The following TNFAIP6 variants were observed in gnomAD, a reference collection of about 807,000 sequenced individuals.
The protein encoded by TNFAIP6 is tumor necrosis factor-inducible gene 6 protein.
In TNFAIP6, 36 loss-of-function variants were observed where a neutral mutation model predicts 33.7. The observed-to-expected ratio is 1.07, with a 90% CI of 0.82 to 1.41. The LOEUF (loss-of-function observed/expected upper bound fraction) is 1.41, where lower values mean the gene tolerates loss of function less well. TNFAIP6 is among the 40% of genes most tolerant of loss of function. TNFAIP6 has a pLI of 0.00. For synonymous variants in TNFAIP6, 113 were observed against 112.8 expected (o/e 1.00, Z -0.01); for missense variants, 273 against 331.9 (o/e 0.82, Z 1.38).
rs1321415465 is a variant in TNFAIP6, at chr2:151,364,015, C to T, written c.167C>T (p.Ala56Val). The change falls in exon 2 of 6, where the codon GCG (alanine) becomes GTG (valine). Residue 56 changes from alanine (A) to valine (V), a missense_variant. Transcript: ENST00000243347. The stretch of plus-strand genomic sequence containing the variant: ...AAGCTCACCTACGCAGAAGCTAAGG[C>T]GGTGTGTGAATTTGAAGGCGGCCAT... ...KYKLTYAEAK[A>V]VCEFEGGHLA... 3 of 1,614,004 alleles carry T rather than the reference C, an allele frequency of 1.9e-6. No homozygotes were observed. Among genetic ancestry groups the T allele is most frequent in the South Asian group, 2.2e-5 (2 of 91,076 alleles).
intron 4 of TNFAIP6, 144 bp downstream of exon 4, chr2:151,370,392 G>T (rs892461811): frequency 1.5e-6 from 1 of 661,494 alleles, no homozygotes; most frequent in South Asian, 2.1e-5. Context: ...TTTCAACAAA[G>T]ATTTTTCTTA....
chr2:151,379,013 T>C (rs1684969632), intron 5 of TNFAIP6, among the ~76,000 whole-genome samples: 1 of 151,930 alleles, frequency 6.6e-6, no homozygotes, highest in African/African-American at 2.4e-5. Flanking sequence ...GGCAGGAGAA[T>C]CGCTTGAGCC....
Position 151,379,545 on chromosome 2 carries a change from AGG to A in TNFAIP6, c.*13_*14del. On this transcript the variant is annotated 3_prime_UTR_variant, in exon 6 of 6. Transcript: ENST00000243347. ...TTAGCCACTTATAAAAAAAAAAAAA[AGG>A]ATGATCAAAACACACAGTGTTTATG... 1.5e-6 allele frequency: 2 copies of A among 1,343,996 alleles called. No individual in the cohort carries two copies. Among genetic ancestry groups the A allele is most frequent in the Non-Finnish European group, 1.0e-6 (1 of 983,830 alleles). The allele number at this position is 1,343,996 out of a possible 1,614,324, so 83.3% of individuals were successfully genotyped here. A position where few individuals can be genotyped will look rare whatever the true frequency, so the allele number is the denominator to read the frequency against.
chr2:151,368,520 C>T (rs928908590), intron 3 of TNFAIP6: 2 of 151,492 alleles, frequency 1.3e-5, no homozygotes, highest in African/African-American at 4.8e-5. Context: ...TCTGAGACAG[C>T]GTTTTTGTTT....
In TNFAIP6 at chr2:151,374,902, G is replaced by A. The variant is rs928684763; in HGVS notation, c.664+1313G>A. Among the ~76,000 whole-genome samples the A allele has an allele frequency of 3.9e-5, 6 of 152,182 alleles. No individual in the cohort carries two copies. In the East Asian group the frequency reaches 7.7e-4, roughly 20 times the overall value. On this transcript the variant is annotated intron_variant, in intron 5 of 5. Transcript: ENST00000243347. ...GCACTTTGGGAGGCCAAGGCAGGCC[G>A]ATCACCTGAGGTCAGGAGTTCGAGA...
Position 151,357,703 on chromosome 2 carries a change from G to T in TNFAIP6, c.37G>T (p.Glu13Ter). 1 of 1,612,886 alleles carries T rather than the reference G, an allele frequency of 6.2e-7. No individual in the cohort carries two copies. Among genetic ancestry groups the T allele is most frequent in the Non-Finnish European group, 8.5e-7 (1 of 1,178,970 alleles). The change falls in exon 1 of 6, where the codon GAA (glutamate) becomes TAA (stop). Residue 13 changes from glutamate (E) to a stop codon, truncating the protein, a stop_gained. Transcript: ENST00000243347. LOFTEE classifies it high-confidence loss of function. ...AATTTACTTATTTCTCTTGCTATGG[G>T]AAGACACTCAAGGATGGGGATTCAA... ...ILIYLFLLLW[E>*]DTQGWGFKDG...
downstream of TNFAIP6, among the ~76,000 whole-genome samples, chr2:151,380,796 C>T (rs1685000458): frequency 6.6e-6 from 1 of 152,208 alleles, no homozygotes; most frequent in Non-Finnish European, 1.5e-5. Flanking sequence ...CAACTAATTT[C>T]GGGTTGGTGG....
intron 5 of TNFAIP6, 69 bp from the exon 6 acceptor site, chr2:151,379,295 G>A (rs1684974208): frequency 7.3e-7 from 1 of 1,375,288 alleles, no homozygotes; most frequent in Non-Finnish European, 9.9e-7. Context: ...AGAATGAAGA[G>A]TCTTTGAATT....
In TNFAIP6 at chr2:151,370,127, A is replaced by G; in HGVS notation, c.502A>G (p.Lys168Glu). ...AATCTGCTACTGGCACATTAGACTC[A>G]AGTATGGTCAGCGTATTCACCTGAG... ...NQICYWHIRLKYGQRIHLSFL... is the reference protein window; with the variant it reads ...NQICYWHIRLEYGQRIHLSFL... The change falls in exon 4 of 6, where the codon AAG becomes GAG. Residue 168 changes from lysine (K) to glutamate (E), a missense_variant. Physicochemically the swap from Lys to Glu is moderately conservative, Grantham distance 56 (BLOSUM62 1). Transcript: ENST00000243347. 1.2e-6 allele frequency: 2 copies of G among 1,614,050 alleles called. No homozygotes were observed. The highest frequency in any genetic ancestry group is 1.7e-6 in the Non-Finnish European group (2 of 1,179,962).
At chr2:151,368,086 A>G (rs1684746221) in intron 3 of TNFAIP6, among the ~76,000 whole-genome samples, 1 of 151,892 alleles carries the variant, frequency 6.6e-6, no homozygotes, top group Admixed American at 6.6e-5. Flanking sequence ...GGATGGAACA[A>G]CTCGCTCCTA....
chr2:151,371,460 CA>C (rs763170467), intron 4 of TNFAIP6, among the ~76,000 whole-genome samples: 2 of 152,174 alleles, frequency 1.3e-5, no homozygotes, highest in Non-Finnish European at 1.5e-5. Context: ...ATGACAAACT[CA>C]ATCCCTTTTT....
At chr2:151,362,480 CTTTTTTTTTTTTTTTTT>C (rs34640251) in intron 1 of TNFAIP6, among the ~76,000 whole-genome samples, 2 of 56,940 alleles carry the variant, frequency 3.5e-5, no homozygotes, top group Admixed American at 1.7e-4. Flanking sequence ...TTACTAAATT[CTTTTTTTTTTTTTTTTT>C]TTTTTTTTTT....
At chr2:151,365,365 G>T (rs139775367) in intron 2 of TNFAIP6, among the ~76,000 whole-genome samples, 1 of 151,962 alleles carries the variant, frequency 6.6e-6, no homozygotes, top group Non-Finnish European at 1.5e-5. Context: ...TAGGCCAGGC[G>T]TGGTGGTTCA....
At chr2:151,377,000 A>G (rs1414256387) in intron 5 of TNFAIP6, among the ~76,000 whole-genome samples, 1 of 149,160 alleles carries the variant, frequency 6.7e-6, no homozygotes, top group East Asian at 2.0e-4. Flanking sequence ...CACAAGGCTA[A>G]TTTTTATTTT....
At chr2:151,375,814 T>C (rs191501406) in intron 5 of TNFAIP6, among the ~76,000 whole-genome samples, 108 of 152,106 alleles carry the variant, frequency 7.1e-4, no homozygotes, top group Admixed American at 1.2e-3. Flanking sequence ...AAAACAAAAA[T>C]AGAAAATAAA....
intron 3 of TNFAIP6, among the ~76,000 whole-genome samples, chr2:151,367,928 C>T (rs907209313): frequency 6.6e-6 from 1 of 151,610 alleles, no homozygotes; most frequent in Admixed American, 6.6e-5. Flanking sequence ...CAAGTTAGAG[C>T]TGATATTCTA....
chr2:151,364,001 C>A lies in TNFAIP6; in HGVS notation c.153C>A (p.Tyr51Ter). The change falls in exon 2 of 6, where the codon TAC becomes TAA. Residue 51 changes from tyrosine (Y) to a stop codon, truncating the protein, a stop_gained. Coordinates refer to ENST00000243347, the MANE Select transcript of TNFAIP6 (RefSeq NM_007115.4). LOFTEE classifies it high-confidence loss of function. ...EARSGKYKLT[Y>*]AEAKAVCEFE... ...GGTCTGGCAAATACAAGCTCACCTA[C>A]GCAGAAGCTAAGGCGGTGTGTGAAT... 1 of 1,613,992 alleles carries A rather than the reference C, an allele frequency of 6.2e-7. No individual in the cohort carries two copies. Among genetic ancestry groups the A allele is most frequent in the Non-Finnish European group, 8.5e-7 (1 of 1,179,944 alleles).
chr2:151,363,463 C>A (rs912346788), intron 1 of TNFAIP6, among the ~76,000 whole-genome samples: 4 of 151,060 alleles, frequency 2.6e-5, no homozygotes, highest in Non-Finnish European at 5.9e-5. Flanking sequence ...CAAGACCATC[C>A]TGGCTAACAC....
At chr2:151,357,830 A>G in intron 1 of TNFAIP6, 70 bp downstream of exon 1, 1 of 1,039,770 alleles carries the variant, frequency 9.6e-7, no homozygotes, top group Non-Finnish European at 1.5e-6. Flanking sequence ...AGGAAATTTA[A>G]AGCAGTAACT....
Sources: allele counts gnomAD v4.1 joint callset (sites outside exome capture counted in the v4.1 genomes callset), GRCh38; gene constraint gnomAD v4.1.1; transcripts MANE v1.5; gene names NCBI Gene and HGNC (gene_info 2026-07-23, HGNC 2026-07-21).